Variants in PAG1 observed in about 807,000 individuals in gnomAD.
PAG1 encodes the protein phosphoprotein associated with glycosphingolipid-enriched microdomains 1.
A neutral mutation model predicts 31.7 loss-of-function variants in PAG1; 23 were observed. The observed-to-expected ratio is 0.73, with a 90% CI of 0.52 to 1.03. PAG1 has a LOEUF of 1.03. PAG1 is among the 50% of genes least tolerant of loss of function. PAG1 has a pLI of 0.00. For missense variants in PAG1, 473 were observed against 540.7 expected, an observed-to-expected ratio of 0.87 and a Z score of 1.24; for synonymous variants, 214 against 210.3, an observed-to-expected ratio of 1.02 and a Z score of -0.15.
chr8:81,015,840 A>G (rs1444567156), intron 3 of PAG1, among the ~76,000 whole-genome samples: 1 of 152,146 alleles, frequency 6.6e-6, no homozygotes, highest in East Asian at 1.9e-4. Flanking sequence ...TTCCAGCAAG[A>G]AATGCTGTCT....
chr8:81,043,363 T>C (rs1248858695), intron 2 of PAG1, among the ~76,000 whole-genome samples: 1 of 152,206 alleles, frequency 6.6e-6, no homozygotes, highest in East Asian at 1.9e-4. Flanking sequence ...GTAAGCACTG[T>C]TAGAGTTCAG....
At chr8:81,088,807 G>GA (rs773587788) in intron 1 of PAG1, among the ~76,000 whole-genome samples, 1 of 152,178 alleles carries the variant, frequency 6.6e-6, no homozygotes, top group African/African-American at 2.4e-5. Context: ...AGTTGTTATG[G>GA]AAAATATCAA....
chr8:81,045,132 C>T (rs779146501), intron 2 of PAG1, among the ~76,000 whole-genome samples: 3 of 152,078 alleles, frequency 2.0e-5, no homozygotes, highest in Admixed American at 6.6e-5. Context: ...TACACCAGTG[C>T]CATAAAAATA....
At chr8:81,038,094 T>A (rs559272724) in intron 2 of PAG1, among the ~76,000 whole-genome samples, 24 of 152,308 alleles carry the variant, frequency 1.6e-4, no homozygotes, top group African/African-American at 5.8e-4. Flanking sequence ...TTATCTAATC[T>A]GGGGATCACT....
chr8:80,992,367 T>C lies in PAG1; in HGVS notation c.125+736A>G, dbSNP rs147166791. Among the ~76,000 whole-genome samples, 163 of 152,322 alleles carry C rather than the reference T, an allele frequency of 1.1e-3. 3 individuals carry two copies. In the East Asian group the frequency reaches 0.025, roughly 23 times the overall value. On this transcript the variant is annotated intron_variant, in intron 4 of 8. Coordinates refer to ENST00000220597, the MANE Select transcript of PAG1 (RefSeq NM_018440.4). The stretch of plus-strand genomic sequence containing the variant: ...AGTGACGCTCCTGGAGTTGCTTCCA[T>C]GGTGGAGGGAGAGTTTGGACAGGGC...
intron 3 of PAG1, among the ~76,000 whole-genome samples, chr8:81,020,592 C>T (rs972587820): frequency 9.2e-5 from 14 of 152,148 alleles, no homozygotes; most frequent in Admixed American, 7.9e-4. Flanking sequence ...ATTATGAGGC[C>T]TCCCAGCCAT....
chr8:81,034,834 T>G (rs2130806971), intron 2 of PAG1, among the ~76,000 whole-genome samples: 1 of 152,312 alleles, frequency 6.6e-6, no homozygotes, highest in East Asian at 1.9e-4. Flanking sequence ...TACGATTTCA[T>G]GTACCACCTG....
chr8:81,092,796 C>A (rs1206131910), intron 1 of PAG1, among the ~76,000 whole-genome samples: 1 of 152,156 alleles, frequency 6.6e-6, no homozygotes, highest in Non-Finnish European at 1.5e-5. Context: ...CACTTTTAAT[C>A]CCTAACTGAT....
chr8:81,057,469 G>A (rs530301839), intron 2 of PAG1, among the ~76,000 whole-genome samples: 1 of 147,378 alleles, frequency 6.8e-6, no homozygotes, highest in South Asian at 2.1e-4. Context: ...CTACCACAAG[G>A]ACAAAAAACC....
rs1807272690 is a variant in PAG1, at chr8:80,980,321, G to C, written c.936+114C>G. The C allele has an allele frequency of 4.6e-6, 3 of 657,884 alleles. No homozygotes were observed. The Admixed American group carries it at 7.4e-5, about 16-fold the overall frequency. The allele number at this position is 657,884 out of a possible 1,614,324, so 40.8% of individuals were successfully genotyped here. ...CCCAAGTCTTCATCTCCAAACATAG[G>C]CATAGGAGAATATTTCAGCTCTTTC... is the stretch of plus-strand genomic sequence containing the variant. On this transcript the variant is annotated intron_variant, in intron 8 of 8. Transcript: ENST00000220597.
chr8:81,040,525 T>C (rs149907325), intron 2 of PAG1, among the ~76,000 whole-genome samples: 139 of 152,308 alleles, frequency 9.1e-4, no homozygotes, highest in African/African-American at 3.2e-3. Flanking sequence ...CATGTCCCGA[T>C]GAGGCATATC....
intron 2 of PAG1, among the ~76,000 whole-genome samples, chr8:81,033,903 T>G (rs772690528): frequency 2.0e-5 from 3 of 152,238 alleles, no homozygotes; most frequent in Non-Finnish European, 4.4e-5. Context: ...TTCTCGAGGT[T>G]ATATCCTAAC....
At chr8:81,041,643 T>C (rs1808556667) in intron 2 of PAG1, among the ~76,000 whole-genome samples, 1 of 152,252 alleles carries the variant, frequency 6.6e-6, no homozygotes, top group African/African-American at 2.4e-5. Context: ...TTGGTTATAC[T>C]TCTACCTCTT....
chr8:80,987,124 G>A (rs1807440775), intron 6 of PAG1, among the ~76,000 whole-genome samples: 1 of 152,090 alleles, frequency 6.6e-6, no homozygotes. Flanking sequence ...ACATGTAAAT[G>A]TACTAAAATG....
intron 2 of PAG1, among the ~76,000 whole-genome samples, chr8:81,065,691 A>C (rs1808992841): frequency 6.6e-6 from 1 of 152,168 alleles, no homozygotes; most frequent in Non-Finnish European, 1.5e-5. Flanking sequence ...GTTAATGTTG[A>C]GGGAAAAGTC....
chr8:81,047,119 T>C (rs553519823), intron 2 of PAG1, among the ~76,000 whole-genome samples: 2 of 152,354 alleles, frequency 1.3e-5, no homozygotes, highest in East Asian at 3.9e-4. Flanking sequence ...GTTGATTCCA[T>C]GTCTTTGCTA....
chr8:80,981,106 C>T (rs1042825428), intron 7 of PAG1, among the ~76,000 whole-genome samples: 1 of 152,158 alleles, frequency 6.6e-6, no homozygotes, highest in South Asian at 2.1e-4. Flanking sequence ...TGATTTTATG[C>T]TCTATCTGTG....
In PAG1 at chr8:80,992,524, G is replaced by GT. The variant is rs757947271; in HGVS notation, c.125+578_125+579insA. On this transcript the variant is annotated intron_variant, in intron 4 of 8. Coordinates refer to ENST00000220597, the MANE Select transcript of PAG1 (RefSeq NM_018440.4). Reference sequence around the variant, plus strand: ...TAGAAAGAACTTCTCTCTGAGCAAAGATTTCTCTTGTTGGGGGTACTGACA... The same window carrying GT: ...TAGAAAGAACTTCTCTCTGAGCAAAGTATTTCTCTTGTTGGGGGTACTGACA... 1.8e-4 allele frequency among the ~76,000 whole-genome samples: 27 copies of GT among 152,184 alleles called. 2 individuals are homozygous for GT. Among genetic ancestry groups the GT allele is most frequent in the Non-Finnish European group, 1.5e-5 (1 of 68,034 alleles).
chr8:80,987,311 C>T, intron 6 of PAG1, 59 bp downstream of exon 6: 1 of 1,060,670 alleles, frequency 9.4e-7, no homozygotes, highest in Non-Finnish European at 1.5e-6. Context: ...ATTTTGAAAC[C>T]TAGGACTTCC....
Sources: gnomAD v4.1 joint callset for allele counts (sites outside exome capture counted in the v4.1 genomes callset) on GRCh38, gnomAD v4.1.1 for gene constraint, MANE v1.5 for transcripts, NCBI Gene and HGNC (gene_info 2026-07-23, HGNC 2026-07-21) for gene names.